Variants in PRSS58 observed in about 807,000 individuals in gnomAD.
PRSS58 encodes protease, serine 58.
A neutral mutation model predicts 25.0 loss-of-function variants in PRSS58; 31 were observed. The ratio of observed to expected loss-of-function variants is 1.24; its 90% confidence interval spans 0.93 to 1.67. PRSS58 has a LOEUF of 1.67. PRSS58 is among the 40% of genes most tolerant of loss of function. The pLI is 0.00. For synonymous variants in PRSS58, 119 were observed against 106.1 expected (o/e 1.12, Z -0.75); for missense variants, 324 against 287.9 (o/e 1.13, Z -0.91).
chr7:142,252,167 C>A lies in PRSS58; in HGVS notation c.*54G>T. The A allele has an allele frequency of 6.5e-7, 1 of 1,534,252 alleles. No individual in the cohort carries two copies. Among genetic ancestry groups the A allele is most frequent in the Non-Finnish European group, 8.8e-7 (1 of 1,136,404 alleles). The stretch of plus-strand genomic sequence containing the variant: ...GTGAGGAGTTAATTTATATTTAATT[C>A]TAAAGGTGAACGATGGGGACAAGCT... On this transcript the variant is annotated 3_prime_UTR_variant, in exon 6 of 6. Transcript: ENST00000547058.
intron 2 of PRSS58, among the ~76,000 whole-genome samples, chr7:142,256,633 AT>A (rs1215810701): frequency 1.3e-5 from 2 of 151,942 alleles, no homozygotes; most frequent in Non-Finnish European, 2.9e-5. Context: ...AAATTTTTTA[AT>A]TTTTTTAATA....
At position 142,257,009 on chromosome 7, in the gene PRSS58, G is replaced by A. The variant is rs533433905; in HGVS notation, c.40+659C>T. On this transcript the variant is annotated intron_variant, in intron 2 of 5. Coordinates refer to ENST00000547058, the MANE Select transcript of PRSS58 (RefSeq NM_001001317.5). ...AGAATGGAGGGTTTTGTAGACCATC[G>A]TAAGAACTCGGCCTTGTTTCCTGAG... 1.2e-4 allele frequency among the ~76,000 whole-genome samples: 19 copies of A among 152,276 alleles called. 1 individual carries two copies. The South Asian group carries it at 3.1e-3, about 25-fold the overall frequency.
Position 142,252,188 on chromosome 7 carries a change from A to C in PRSS58, c.*33T>G, listed in dbSNP as rs1798475928. On this transcript the variant is annotated 3_prime_UTR_variant, in exon 6 of 6. Coordinates refer to ENST00000547058, the MANE Select transcript of PRSS58 (RefSeq NM_001001317.5). ...AATTCTAAAGGTGAACGATGGGGAC[A>C]AGCTGTGTCATATGGTCCACAACTG... The C allele has an allele frequency of 1.3e-6, 2 of 1,582,758 alleles. No homozygotes were observed. Among genetic ancestry groups the C allele is most frequent in the South Asian group, 2.3e-5 (2 of 86,102 alleles).
chr7:142,257,483 C>A (rs969073700), intron 2 of PRSS58, among the ~76,000 whole-genome samples, 185 bp downstream of exon 2: 1 of 152,130 alleles, frequency 6.6e-6, no homozygotes, highest in African/African-American at 2.4e-5. Context: ...CACAAGCAAA[C>A]CTCCTGCGGC....
rs1400481554 is a variant in PRSS58, at chr7:142,252,204, T to C, written c.*17A>G. The C allele has an allele frequency of 6.2e-7, 1 of 1,604,942 alleles. No individual in the cohort carries two copies. Among genetic ancestry groups the C allele is most frequent in the South Asian group, 1.1e-5 (1 of 89,234 alleles). The stretch of plus-strand genomic sequence containing the variant: ...GATGGGGACAAGCTGTGTCATATGG[T>C]CCACAACTGCCACAGCTCAGTTATT... On this transcript the variant is annotated 3_prime_UTR_variant, in exon 6 of 6. Transcript: ENST00000547058.
chr7:142,254,835 C>A (rs569552892), intron 4 of PRSS58, among the ~76,000 whole-genome samples: 1 of 151,980 alleles, frequency 6.6e-6, no homozygotes, highest in African/African-American at 2.4e-5. Context: ...CCACTAAAAC[C>A]ACTTCTATCA....
intron 2 of PRSS58, among the ~76,000 whole-genome samples, chr7:142,257,305 G>A (rs1215813712): frequency 6.6e-6 from 1 of 152,134 alleles, no homozygotes; most frequent in East Asian, 1.9e-4. Context: ...ATAAGCCTGG[G>A]TTTATGCCTG....
At chr7:142,253,776 T>C (rs1302861185) in intron 4 of PRSS58, among the ~76,000 whole-genome samples, 1 of 145,868 alleles carries the variant, frequency 6.9e-6, no homozygotes, top group African/African-American at 2.7e-5. Context: ...CAGATCAAAA[T>C]AAGATGCATT....
chr7:142,257,019 G>A lies in PRSS58; in HGVS notation c.40+649C>T, dbSNP rs147389981. Among the ~76,000 whole-genome samples, 308 of 152,210 alleles carry A rather than the reference G, an allele frequency of 2.0e-3. 1 individual carries two copies. Among genetic ancestry groups the A allele is most frequent in the African/African-American group, 6.9e-3 (288 of 41,530 alleles). On this transcript the variant is annotated intron_variant, in intron 2 of 5. Transcript: ENST00000547058. ...GTTTTGTAGACCATCGTAAGAACTC[G>A]GCCTTGTTTCCTGAGTACAAATGGA...
rs7786497 is a variant in PRSS58 at position 142,257,684 on chromosome 7, A to G, written c.24T>C (p.Ala8=). 0.25 allele frequency: 410,060 copies of G among 1,608,504 alleles called. 57,558 individuals are homozygous for G. The highest frequency in any genetic ancestry group is 0.52 in the East Asian group (23,216 of 44,754). ...CACACTCACCAGTCAGATTCAAGAG[A>G]GCCCAGAGGAGGATAAACTTCATGA... MKFILLW[A]LLNLTVALAF... The change falls in exon 2 of 6, where the codon GCT becomes GCC. Residue 8 remains alanine, a synonymous_variant. Transcript: ENST00000547058.
Position 142,255,293 on chromosome 7 carries a change from C to T in PRSS58, c.198G>A (p.Leu66=), listed in dbSNP as rs1798536613. Residue 66 remains leucine (L), a synonymous_variant, in exon 4 of 6, where the codon TTG becomes TTA. Transcript: ENST00000547058. ...TAGAGTCTGCTGGGATTGTAACCCCCAATATCACCCGAAGCTTTCTGGAAC... is the reference window on the plus strand; with the variant it reads ...TAGAGTCTGCTGGGATTGTAACCCCTAATATCACCCGAAGCTTTCTGGAAC... ...HCNLPKLRVI[L]GVTIPADSNE... The T allele has an allele frequency of 6.2e-7, 1 of 1,613,824 alleles. No individual in the cohort carries two copies. The highest frequency in any genetic ancestry group is 8.5e-7 in the Non-Finnish European group (1 of 1,179,788).
Position 142,255,139 on chromosome 7 carries a change from T to C in PRSS58, c.352A>G (p.Lys118Glu). Residue 118 changes from lysine to glutamate, a missense_variant, in exon 4 of 6, where the codon AAA (lysine) becomes GAA (glutamate). Lys to Glu is a moderately conservative substitution (Grantham distance 56). Coordinates refer to ENST00000547058, the MANE Select transcript of PRSS58 (RefSeq NM_001001317.5). Reference sequence around the variant, plus strand: ...GTTTGGTAGGGCAGGTTGGCTAATTTCACATAGTCATTGAGTTCAGCCTCT... The same window carrying C: ...GTTTGGTAGGGCAGGTTGGCTAATTCCACATAGTCATTGAGTTCAGCCTCT... Reference protein sequence around the residue: ...KTEAELNDYVKLANLPYQTIS... With the variant: ...KTEAELNDYVELANLPYQTIS... 1.9e-6 allele frequency: 3 copies of C among 1,614,118 alleles called. No homozygotes were observed. The highest frequency in any genetic ancestry group is 2.5e-6 in the Non-Finnish European group (3 of 1,179,962).
chr7:142,252,161 T>G lies in PRSS58; in HGVS notation c.*60A>C. 1 of 1,514,086 alleles carries G rather than the reference T, an allele frequency of 6.6e-7. No individual in the cohort carries two copies. Among genetic ancestry groups the G allele is most frequent in the Non-Finnish European group, 8.9e-7 (1 of 1,123,242 alleles). 93.8% of individuals were successfully genotyped at this position (1,514,086 alleles called of 1,614,324 possible). On this transcript the variant is annotated 3_prime_UTR_variant, in exon 6 of 6. Coordinates refer to ENST00000547058, the MANE Select transcript of PRSS58 (RefSeq NM_001001317.5). ...GGCAATGTGAGGAGTTAATTTATATTTAATTCTAAAGGTGAACGATGGGGA... is the reference window on the plus strand; with the variant it reads ...GGCAATGTGAGGAGTTAATTTATATGTAATTCTAAAGGTGAACGATGGGGA...
At chr7:142,253,858 G>A (rs1367798866) in intron 4 of PRSS58, among the ~76,000 whole-genome samples, 1 of 152,010 alleles carries the variant, frequency 6.6e-6, no homozygotes, top group African/African-American at 2.4e-5. Flanking sequence ...GCTCACAGAA[G>A]GACATTTGGC....
chr7:142,257,569 C>A, intron 2 of PRSS58, 99 bp downstream of exon 2: 1 of 1,089,056 alleles, frequency 9.2e-7, no homozygotes, highest in Non-Finnish European at 1.4e-6. Flanking sequence ...CCATCCTACA[C>A]TTGAATTCTG....
At chr7:142,257,584 G>T in intron 2 of PRSS58, 84 bp downstream of exon 2, 1 of 1,174,132 alleles carries the variant, frequency 8.5e-7, no homozygotes, top group Non-Finnish European at 1.3e-6. Flanking sequence ...ATTCTGGAAT[G>T]ATGCCTCTCG....
chr7:142,255,874 T>G (rs1227320650), intron 2 of PRSS58, among the ~76,000 whole-genome samples: 4 of 152,218 alleles, frequency 2.6e-5, no homozygotes, highest in Non-Finnish European at 5.9e-5. Context: ...AAAAAGTGTT[T>G]GGCTTTTTCA....
intron 2 of PRSS58, among the ~76,000 whole-genome samples, chr7:142,257,065 A>G (rs1181855066): frequency 1.3e-5 from 2 of 152,166 alleles, no homozygotes; most frequent in African/African-American, 4.8e-5. Context: ...GATTTGTGCA[A>G]AGGAGTGATG....
Position 142,255,632 on chromosome 7 carries a change from G to C in PRSS58, c.82C>G (p.Pro28Ala). 3 of 1,613,920 alleles carry C rather than the reference G, an allele frequency of 1.9e-6. No homozygotes were observed. Among genetic ancestry groups the C allele is most frequent in the Non-Finnish European group, 2.5e-6 (3 of 1,179,892 alleles). The change falls in exon 3 of 6, where the codon CCC becomes GCC. Residue 28 changes from proline (P) to alanine (A), a missense_variant. Coordinates refer to ENST00000547058, the MANE Select transcript of PRSS58 (RefSeq NM_001001317.5). ...GATTTCAAATAGACCAAGTAAGGGG[G>C]AGTGGAGCTGACTGTGTAATCTGGA... ...FNPDYTVSSTPPYLVYLKSDY... is the reference protein window; with the variant it reads ...FNPDYTVSSTAPYLVYLKSDY...
Sources: allele counts gnomAD v4.1 joint callset (sites outside exome capture counted in the v4.1 genomes callset), GRCh38; gene constraint gnomAD v4.1.1; transcripts MANE v1.5; gene names NCBI Gene and HGNC (gene_info 2026-07-23, HGNC 2026-07-21).